SV2B: variants seen among roughly 807,000 people sequenced by gnomAD.
The protein encoded by SV2B is synaptic vesicle glycoprotein 2B, also known as solute carrier family 22 member B2.
SV2B carries 41 observed loss-of-function variants against 73.9 expected under a neutral mutation model. The observed-to-expected ratio is 0.56, with a 90% CI of 0.43 to 0.72. The LOEUF is 0.72. Among genes scored for constraint, SV2B ranks in the 30% least tolerant of loss-of-function variants. SV2B has a pLI of 0.00. For synonymous variants in SV2B, 314 were observed against 314.2 expected (o/e 1.00, Z 0.01); for missense variants, 764 against 857.8 (o/e 0.89, Z 1.37).
chr15:91,225,242 G>C (rs1422368841), intron 1 of SV2B, among the ~76,000 whole-genome samples: 2 of 152,226 alleles, frequency 1.3e-5, no homozygotes, highest in Non-Finnish European at 2.9e-5. Context: ...TATGAGGACA[G>C]AGTGGCCTTT....
At chr15:91,198,215 A>C (rs16945322) in intron 1 of SV2B, among the ~76,000 whole-genome samples, 4,931 of 152,206 alleles carry the variant, frequency 0.032, 253 homozygotes, top group African/African-American at 0.11. Flanking sequence ...GAGGAAGCCA[A>C]TGTTAAGATT....
intron 1 of SV2B, among the ~76,000 whole-genome samples, chr15:91,143,739 A>G (rs1477823607): frequency 6.6e-6 from 1 of 152,204 alleles, no homozygotes; most frequent in Non-Finnish European, 1.5e-5. Context: ...GACGATTCTG[A>G]TGTTTGTTCT....
At position 91,268,511 on chromosome 15, in the gene SV2B, A is replaced by G. The variant is rs774143432; in HGVS notation, c.1279A>G (p.Met427Val). The G allele has an allele frequency of 3.4e-5, 55 of 1,614,056 alleles. No homozygotes were observed. The highest frequency in any genetic ancestry group is 4.4e-5 in the Non-Finnish European group (52 of 1,180,016). ...TCAAGATGAAGAATACAAGTCTAAAATGAAGGTGTTTTTTGGTGAGCATGT... is the reference window on the plus strand; with the variant it reads ...TCAAGATGAAGAATACAAGTCTAAAGTGAAGGTGTTTTTTGGTGAGCATGT... ...YFQDEEYKSK[M>V]KVFFGEHVYG... is the part of the protein sequence containing the mutation. Residue 427 changes from methionine (M) to valine (V), a missense_variant, in exon 9 of 13, where the codon ATG (methionine) becomes GTG (valine). Physicochemically the swap from Met to Val is conservative, Grantham distance 21. Transcript: ENST00000394232. This position sits in a 1 kb window ranked among gnomAD's most constrained non-coding sequence, Gnocchi z 4.4.
At position 91,245,100 on chromosome 15, in the gene SV2B, T is replaced by A. The variant is rs2047171079; in HGVS notation, c.452-6719T>A. Among the ~76,000 whole-genome samples the A allele has an allele frequency of 6.6e-6, 1 of 152,220 alleles. No homozygotes were observed. The highest frequency in any genetic ancestry group is 1.5e-5 in the Non-Finnish European group (1 of 68,038). On this transcript the variant is annotated intron_variant, in intron 2 of 12. Transcript: ENST00000394232. This position sits in a 1 kb window ranked among gnomAD's most constrained non-coding sequence, Gnocchi z 4.2. ...TAAGCCAGTGCGGTCTGATGGTACA[T>A]CTTATCCTGCTGCCTCTGGTGTGGA...
At chr15:91,166,662 T>C (rs976798253) in intron 1 of SV2B, among the ~76,000 whole-genome samples, 1 of 152,078 alleles carries the variant, frequency 6.6e-6, no homozygotes, top group South Asian at 2.1e-4. Flanking sequence ...ATATCCTCTA[T>C]TATTCAGATT....
At chr15:91,203,009 G>A (rs979605780) in intron 1 of SV2B, among the ~76,000 whole-genome samples, 5 of 152,166 alleles carry the variant, frequency 3.3e-5, no homozygotes, top group African/African-American at 1.2e-4. Flanking sequence ...AGATATCACA[G>A]TAGCCACCAG....
At chr15:91,286,058 A>C (rs942101972) in intron 11 of SV2B, among the ~76,000 whole-genome samples, 2 of 152,214 alleles carry the variant, frequency 1.3e-5, no homozygotes, top group Non-Finnish European at 2.9e-5. Context: ...CATTCCTTAT[A>C]GCCTACTCTC....
chr15:91,234,582 C>T lies in SV2B; in HGVS notation c.451+7868C>T, dbSNP rs1159409583. Among the ~76,000 whole-genome samples, 1 of 152,182 alleles carries T rather than the reference C, an allele frequency of 6.6e-6. No individual in the cohort carries two copies. The highest frequency in any genetic ancestry group is 2.4e-5 in the African/African-American group (1 of 41,454). ...TGAAATAAATAGGAGGTCTACTAAA[C>T]TCTTACTTGATCTGTATAAGAGTAA... On this transcript the variant is annotated intron_variant, in intron 2 of 12. Coordinates refer to ENST00000394232, the MANE Select transcript of SV2B (RefSeq NM_001323032.3). This position sits in a 1 kb window ranked among gnomAD's most constrained non-coding sequence, Gnocchi z 5.6.
chr15:91,114,099 G>C (rs2042110631), intron 1 of SV2B, among the ~76,000 whole-genome samples: 1 of 150,348 alleles, frequency 6.7e-6, no homozygotes, highest in African/African-American at 2.5e-5. Flanking sequence ...CAGGAGAATG[G>C]TGCGAACCCA....
chr15:91,256,250 G>A, intron 4 of SV2B, among the ~76,000 whole-genome samples: 1 of 152,162 alleles, frequency 6.6e-6, no homozygotes, highest in East Asian at 1.9e-4. Flanking sequence ...CCAAATATTT[G>A]GAAGCAGTTT....
At position 91,258,506 on chromosome 15, in the gene SV2B, C is replaced by A; in HGVS notation, c.870C>A (p.Ser290=). 1 of 1,614,120 alleles carries A rather than the reference C, an allele frequency of 6.2e-7. No homozygotes were observed. Among genetic ancestry groups the A allele is most frequent in the Non-Finnish European group, 8.5e-7 (1 of 1,179,992 alleles). ...VIVCALPCTV[S]MVALKFMPES... ...TCTGTGCTCTGCCCTGCACCGTGTC[C>A]ATGGTGGCCCTGAAGTTCATGCCAG... Residue 290 remains serine, a synonymous_variant, in exon 5 of 13, where the codon TCC becomes TCA. Transcript: ENST00000394232. This position sits in a 1 kb window ranked among gnomAD's most constrained non-coding sequence, Gnocchi z 4.7.
chr15:91,126,548 C>T (rs28642316), intron 1 of SV2B, among the ~76,000 whole-genome samples: 14,986 of 152,108 alleles, frequency 0.099, 811 homozygotes, highest in Non-Finnish European at 0.11. Context: ...CCTATTGCTG[C>T]TGTACAGAAA....
chr15:91,171,126 G>C (rs2044106986), intron 1 of SV2B, among the ~76,000 whole-genome samples: 2 of 152,194 alleles, frequency 1.3e-5, no homozygotes, highest in South Asian at 4.2e-4. Flanking sequence ...TGAAACCTGT[G>C]CTCTTAACTA....
At chr15:91,182,709 G>C (rs2044628169) in intron 1 of SV2B, among the ~76,000 whole-genome samples, 1 of 152,224 alleles carries the variant, frequency 6.6e-6, no homozygotes, top group South Asian at 2.1e-4. Flanking sequence ...TATGGCAGAA[G>C]TCAGCAGCAC....
intron 6 of SV2B, among the ~76,000 whole-genome samples, chr15:91,263,260 G>A (rs561760021): frequency 9.7e-5 from 10 of 103,048 alleles, no homozygotes; most frequent in African/African-American, 5.3e-4. Flanking sequence ...AGGAACACAC[G>A]GACACAGACA....
chr15:91,298,998 CA>C lies in SV2B; in HGVS notation c.*6448del, dbSNP rs2049343710. 1.3e-5 allele frequency: 2 copies of C among 152,094 alleles called. No homozygotes were observed. Among genetic ancestry groups the C allele is most frequent in the Non-Finnish European group, 1.5e-5 (1 of 68,012 alleles). The allele number at this position is 152,094 out of a possible 1,614,324, so 9.4% of individuals were successfully genotyped here. ...CAAAAGGCCTATAAAAATAGCTTTCCAATTCGCCACCAAAAATGCAAAAATG... is the reference window on the plus strand; with the variant it reads ...CAAAAGGCCTATAAAAATAGCTTTCCATTCGCCACCAAAAATGCAAAAATG... On this transcript the variant is annotated 3_prime_UTR_variant, in exon 13 of 13. Transcript: ENST00000394232. The surrounding 1 kb of genome is among the most constrained non-coding windows in gnomAD (Gnocchi z 5.4).
At chr15:91,278,611 G>A (rs1342992679) in intron 9 of SV2B, among the ~76,000 whole-genome samples, 2 of 127,556 alleles carry the variant, frequency 1.6e-5, no homozygotes, top group Non-Finnish European at 3.2e-5. Flanking sequence ...CCCGGGAAGC[G>A]GAGCTTGCAG....
intron 1 of SV2B, among the ~76,000 whole-genome samples, chr15:91,195,411 C>T (rs2045209110): frequency 6.6e-6 from 1 of 152,228 alleles, no homozygotes; most frequent in Non-Finnish European, 1.5e-5. Context: ...CACCCCACCT[C>T]AGCCTCCCAA....
intron 2 of SV2B, among the ~76,000 whole-genome samples, chr15:91,243,259 A>G (rs753965841): frequency 3.3e-5 from 5 of 151,980 alleles, no homozygotes; most frequent in Non-Finnish European, 5.9e-5. Context: ...GAGGTGTCAT[A>G]CCTCCACTGG....
Sources: allele counts gnomAD v4.1 joint callset (sites outside exome capture counted in the v4.1 genomes callset), GRCh38; gene constraint gnomAD v4.1.1; non-coding constraint Gnocchi (gnomAD v3.1); transcripts MANE v1.5; gene names NCBI Gene and HGNC (gene_info 2026-07-23, HGNC 2026-07-21).